The following ITPR2 variants were observed in gnomAD, a reference collection of about 807,000 sequenced individuals.
ITPR2 encodes inositol 1,4,5-trisphosphate-gated calcium channel ITPR2.
ITPR2 carries 207 observed loss-of-function variants against 317.1 expected under a neutral mutation model. The ratio of observed to expected loss-of-function variants is 0.65; its 90% CI spans 0.58 to 0.73. The LOEUF (loss-of-function observed/expected upper bound fraction) is 0.73. Ranked by LOEUF, ITPR2 falls within the 30% of genes least tolerant of loss-of-function variation. The pLI is 0.00. For missense variants in ITPR2, 2,613 were observed against 3,284.0 expected, an observed-to-expected ratio of 0.80 and a Z score of 4.99; for synonymous variants, 1,156 against 1,149.1, an observed-to-expected ratio of 1.01 and a Z score of -0.12.
At chr12:26,761,382 A>G (rs1342855410) in intron 2 of ITPR2, among the ~76,000 whole-genome samples, 1 of 152,244 alleles carries the variant, frequency 6.6e-6, no homozygotes, top group Non-Finnish European at 1.5e-5. Flanking sequence ...CAAAAATCAC[A>G]AATAATCAGG....
intron 37 of ITPR2, among the ~76,000 whole-genome samples, chr12:26,533,776 G>A (rs1944009413): frequency 6.6e-6 from 1 of 152,146 alleles, no homozygotes; most frequent in Non-Finnish European, 1.5e-5. Flanking sequence ...GCCCTTGGAA[G>A]GAAACCACCT....
intron 39 of ITPR2, among the ~76,000 whole-genome samples, chr12:26,491,065 G>T (rs895293452): frequency 1.3e-5 from 2 of 152,148 alleles, no homozygotes; most frequent in Non-Finnish European, 2.9e-5. Context: ...GAGGCAAGAG[G>T]GTGGAAGAAC....
intron 2 of ITPR2, among the ~76,000 whole-genome samples, chr12:26,760,125 G>A (rs1240170212): frequency 1.3e-5 from 2 of 152,138 alleles, no homozygotes; most frequent in African/African-American, 4.8e-5. Context: ...CTTTATTCAT[G>A]TAGATTCAAT....
chr12:26,361,247 A>T (rs1938819490), intron 55 of ITPR2, among the ~76,000 whole-genome samples: 1 of 151,818 alleles, frequency 6.6e-6, no homozygotes, highest in Non-Finnish European at 1.5e-5. Flanking sequence ...CTTCATGTTT[A>T]ATTGTGCTGG....
At chr12:26,568,320 A>G (rs1041271137) in intron 34 of ITPR2, among the ~76,000 whole-genome samples, 5 of 151,734 alleles carry the variant, frequency 3.3e-5, no homozygotes, top group Admixed American at 1.3e-4. Context: ...AAAAACTAAT[A>G]AGAGAGAGGA....
chr12:26,595,145 C>T (rs1296780851), intron 32 of ITPR2, among the ~76,000 whole-genome samples: 1 of 152,186 alleles, frequency 6.6e-6, no homozygotes, highest in East Asian at 1.9e-4. Flanking sequence ...AGATTAAATG[C>T]AAATTGACCT....
intron 49 of ITPR2, among the ~76,000 whole-genome samples, chr12:26,423,749 A>T (rs1940963914): frequency 6.6e-6 from 1 of 152,192 alleles, no homozygotes; most frequent in Admixed American, 6.5e-5. Context: ...AATGCAAACT[A>T]ACAGTGCATT....
intron 37 of ITPR2, among the ~76,000 whole-genome samples, chr12:26,498,663 G>T (rs1042309398): frequency 7.2e-5 from 11 of 152,194 alleles, no homozygotes; most frequent in African/African-American, 2.6e-4. Context: ...TAACCCTGTA[G>T]AAGACAGTTG....
chr12:26,673,009 C>G (rs1347948959), intron 13 of ITPR2, among the ~76,000 whole-genome samples: 1 of 151,552 alleles, frequency 6.6e-6, no homozygotes, highest in Non-Finnish European at 1.5e-5. Context: ...GGAAGAAGCT[C>G]TGAATAGACC....
intron 46 of ITPR2, among the ~76,000 whole-genome samples, chr12:26,443,055 A>C (rs7974048): frequency 6.6e-6 from 1 of 151,870 alleles, no homozygotes; most frequent in Non-Finnish European, 1.5e-5. Flanking sequence ...AGGGTGGTGG[A>C]GGGGTCAAGT....
intron 1 of ITPR2, among the ~76,000 whole-genome samples, chr12:26,793,565 G>A (rs67275252): frequency 0.17 from 25,289 of 151,834 alleles, 2,697 homozygotes; most frequent in Non-Finnish European, 0.24. Context: ...ATAATTTCAT[G>A]TATATATATA....
chr12:26,438,560 C>A (rs956220524), intron 47 of ITPR2, among the ~76,000 whole-genome samples: 6 of 152,026 alleles, frequency 3.9e-5, no homozygotes, highest in African/African-American at 1.2e-4. Context: ...GACGTGGGAC[C>A]TAAGAGATAG....
At chr12:26,572,269 G>A (rs1181290405) in intron 34 of ITPR2, among the ~76,000 whole-genome samples, 1 of 152,116 alleles carries the variant, frequency 6.6e-6, no homozygotes, top group Admixed American at 6.5e-5. Context: ...CTAGCCTCCT[G>A]CACTAGGCCC....
chr12:26,534,940 T>C lies in ITPR2; in HGVS notation c.5073+15307A>G, dbSNP rs1470183735. Among the ~76,000 whole-genome samples the C allele has an allele frequency of 6.6e-5, 10 of 152,226 alleles. No homozygotes were observed. The South Asian group carries it at 1.0e-3, about 16-fold the overall frequency. ...ATTCTTAAGGTTAAAAATTGTTTTA[T>C]TAAGAGAAATAAGTTCTGGTGTTCT... On this transcript the variant is annotated intron_variant, in intron 37 of 56. Transcript: ENST00000381340.
chr12:26,567,986 AT>A (rs1281958094), intron 34 of ITPR2, among the ~76,000 whole-genome samples: 1 of 16,100 alleles, frequency 6.2e-5, no homozygotes. Context: ...TATTATATAT[AT>A]ATATATATAT....
intron 1 of ITPR2, among the ~76,000 whole-genome samples, chr12:26,828,090 A>G (rs1951035349): frequency 6.6e-6 from 1 of 152,248 alleles, no homozygotes; most frequent in Non-Finnish European, 1.5e-5. Context: ...GTTTTCAGGA[A>G]GACATACTGA....
chr12:26,506,846 T>C (rs1943201042), intron 37 of ITPR2, among the ~76,000 whole-genome samples: 1 of 152,216 alleles, frequency 6.6e-6, no homozygotes, highest in Admixed American at 6.5e-5. Flanking sequence ...AGGATCTGAC[T>C]CAGCAACATA....
At position 26,822,426 on chromosome 12, in the gene ITPR2, C is replaced by A. The variant is rs115754387; in HGVS notation, c.92+10264G>T. Among the ~76,000 whole-genome samples, 1,280 of 152,138 alleles carry A rather than the reference C, an allele frequency of 8.4e-3. 20 individuals carry two copies. The highest frequency in any genetic ancestry group is 0.029 in the African/African-American group (1,220 of 41,504). ...GGACTCCATATATACCAGAAGGGTA[C>A]TCTATACCAAGTGGGAGACTCGTGT... On this transcript the variant is annotated intron_variant, in intron 1 of 56. Coordinates refer to ENST00000381340, the MANE Select transcript of ITPR2 (RefSeq NM_002223.4).
chr12:26,739,163 G>A (rs1479200617), intron 2 of ITPR2, among the ~76,000 whole-genome samples: 1 of 152,234 alleles, frequency 6.6e-6, no homozygotes, highest in Non-Finnish European at 1.5e-5. Context: ...AATGTCATGT[G>A]TTATGAGGAT....
Sources: allele counts gnomAD v4.1 joint callset (sites outside exome capture counted in the v4.1 genomes callset), GRCh38; gene constraint gnomAD v4.1.1; transcripts MANE v1.5; gene names NCBI Gene and HGNC (gene_info 2026-07-23, HGNC 2026-07-21).